Variants in FAF1 observed in about 807,000 individuals in gnomAD.
FAF1 encodes Fas associated factor 1, also known as FAS-associated factor 1.
In FAF1, 25 loss-of-function variants were observed where a neutral mutation model predicts 92.5. That is an observed-to-expected ratio of 0.27 (90% CI 0.20 to 0.38). The LOEUF is 0.38. Among genes scored for constraint, FAF1 ranks in the 10% least tolerant of loss-of-function variants. FAF1 has a pLI of 1.00. For synonymous variants in FAF1, 234 were observed against 273.2 expected (o/e 0.86, Z 1.42); for missense variants, 636 against 793.3 (o/e 0.80, Z 2.38).
intron 6 of FAF1, among the ~76,000 whole-genome samples, chr1:50,717,044 T>G (rs1234576179): frequency 6.6e-6 from 1 of 152,060 alleles, no homozygotes; most frequent in Non-Finnish European, 1.5e-5. Flanking sequence ...CGTACACATC[T>G]GAAGGAACAA....
intron 1 of FAF1, among the ~76,000 whole-genome samples, chr1:50,949,617 C>A (rs1645198230): frequency 6.6e-6 from 1 of 152,144 alleles, no homozygotes; most frequent in Non-Finnish European, 1.5e-5. Flanking sequence ...CTATTAAGGA[C>A]AAAAATAACC....
At chr1:50,866,696 G>A (rs1644484478) in intron 1 of FAF1, among the ~76,000 whole-genome samples, 1 of 151,918 alleles carries the variant, frequency 6.6e-6, no homozygotes, top group Non-Finnish European at 1.5e-5. Context: ...AATCATAGAT[G>A]ACACAAATGG....
intron 6 of FAF1, among the ~76,000 whole-genome samples, chr1:50,707,564 T>A (rs901909523): frequency 2.6e-5 from 4 of 151,074 alleles, no homozygotes; most frequent in African/African-American, 9.7e-5. Context: ...TAGCTGGGCG[T>A]CGTGCTGGGC....
intron 1 of FAF1, among the ~76,000 whole-genome samples, chr1:50,859,046 C>T (rs982896581): frequency 2.0e-5 from 3 of 151,894 alleles, no homozygotes; most frequent in Admixed American, 6.6e-5. Flanking sequence ...TCAATAGATG[C>T]GGAAAAAGTT....
chr1:50,739,270 A>G (rs1311061470), intron 5 of FAF1, among the ~76,000 whole-genome samples: 1 of 152,116 alleles, frequency 6.6e-6, no homozygotes, highest in Non-Finnish European at 1.5e-5. Flanking sequence ...GCATGTGTAC[A>G]TGTGCATACA....
At chr1:50,818,415 G>C (rs1643998737) in intron 2 of FAF1, among the ~76,000 whole-genome samples, 1 of 151,998 alleles carries the variant, frequency 6.6e-6, no homozygotes, top group Non-Finnish European at 1.5e-5. Flanking sequence ...TTACCCAAAA[G>C]AAAAAATGTC....
intron 7 of FAF1, among the ~76,000 whole-genome samples, chr1:50,663,075 T>C (rs1655462115): frequency 2.0e-5 from 3 of 151,740 alleles, no homozygotes. Context: ...AAAATGTTTA[T>C]AGATGAGAAA....
chr1:50,760,969 G>A (rs1337353064), intron 4 of FAF1, among the ~76,000 whole-genome samples: 4 of 151,728 alleles, frequency 2.6e-5, no homozygotes, highest in Admixed American at 6.6e-5. Flanking sequence ...AAAGAGAGAA[G>A]AATCAAATAA....
At chr1:50,935,474 C>T (rs1008402449) in intron 1 of FAF1, among the ~76,000 whole-genome samples, 2 of 139,382 alleles carry the variant, frequency 1.4e-5, no homozygotes, top group Non-Finnish European at 3.1e-5. Flanking sequence ...TTTACTCTCT[C>T]TTTTTTTTTT....
At chr1:50,724,274 T>TACACACAC (rs1474050293) in intron 6 of FAF1, among the ~76,000 whole-genome samples, 1 of 113,308 alleles carries the variant, frequency 8.8e-6, no homozygotes, top group African/African-American at 4.0e-5. Context: ...TATATATACA[T>TACACACAC]ATACACACAC....
At chr1:50,835,833 G>A (rs901335429) in intron 2 of FAF1, among the ~76,000 whole-genome samples, 1 of 152,022 alleles carries the variant, frequency 6.6e-6, no homozygotes, top group Non-Finnish European at 1.5e-5. Context: ...CCAGATATGC[G>A]ACTGGTCTAT....
intron 18 of FAF1, among the ~76,000 whole-genome samples, chr1:50,460,409 G>C (rs1341106902): frequency 6.6e-6 from 1 of 152,134 alleles, no homozygotes; most frequent in Non-Finnish European, 1.5e-5. Context: ...TCATAGTGCT[G>C]AAGTGCTGTC....
intron 1 of FAF1, among the ~76,000 whole-genome samples, chr1:50,905,604 G>A (rs1162326842): frequency 6.6e-6 from 1 of 152,170 alleles, no homozygotes; most frequent in African/African-American, 2.4e-5. Context: ...TCTGATTGTG[G>A]TTTTAATTTG....
intron 2 of FAF1, among the ~76,000 whole-genome samples, chr1:50,830,674 T>C (rs1292656181): frequency 2.0e-5 from 3 of 151,306 alleles, no homozygotes; most frequent in Admixed American, 1.3e-4. Context: ...TTTTTTTTTT[T>C]ACCAACTCCA....
At chr1:50,740,697 TG>T (rs1424871563) in intron 5 of FAF1, among the ~76,000 whole-genome samples, 3 of 152,274 alleles carry the variant, frequency 2.0e-5, no homozygotes, top group Non-Finnish European at 4.4e-5. Flanking sequence ...GTCCATAGTT[TG>T]AAAAAAACAT....
At chr1:50,903,325 G>C (rs1644810971) in intron 1 of FAF1, among the ~76,000 whole-genome samples, 1 of 152,034 alleles carries the variant, frequency 6.6e-6, no homozygotes, top group Admixed American at 6.6e-5. Context: ...TGTTTTCTTA[G>C]GACTTTGTAT....
At chr1:50,659,065 C>T (rs1254350464) in intron 7 of FAF1, among the ~76,000 whole-genome samples, 1 of 151,756 alleles carries the variant, frequency 6.6e-6, no homozygotes, top group African/African-American at 2.4e-5. Flanking sequence ...AGAAAAAAAT[C>T]CAAAATGTAC....
chr1:50,729,019 T>C (rs1345877382), intron 6 of FAF1, among the ~76,000 whole-genome samples: 1 of 75,592 alleles, frequency 1.3e-5, no homozygotes, highest in Non-Finnish European at 2.6e-5. Flanking sequence ...TCTATCTATC[T>C]ATCTATCTAT....
intron 2 of FAF1, among the ~76,000 whole-genome samples, chr1:50,842,729 CATAAAATAACCCTACCTGACTCTACAAT>C (rs959004601): frequency 2.6e-5 from 4 of 152,224 alleles, no homozygotes; most frequent in East Asian, 3.9e-4. Flanking sequence ...AATGCTACCC[CATAAAATAACCCTACCTGACTCTACAAT>C]ATAAAATAAC....
Sources: allele counts gnomAD v4.1 joint callset (sites outside exome capture counted in the v4.1 genomes callset), GRCh38; gene constraint gnomAD v4.1.1; transcripts MANE v1.5; gene names NCBI Gene and HGNC (gene_info 2026-07-23, HGNC 2026-07-21).